The following NBN variants were observed in gnomAD, a reference collection of about 807,000 sequenced individuals.
NBN encodes Nijmegen breakage syndrome 1 (nibrin).
Under a neutral mutation model 90.8 loss-of-function variants are expected in NBN, and 88 were observed. The observed-to-expected ratio is 0.97, with a 90% CI of 0.82 to 1.16. The LOEUF (loss-of-function observed/expected upper bound fraction) is 1.16. Ranked by LOEUF, NBN falls within the 50% of genes most tolerant of loss-of-function variation. NBN has a pLI of 0.00. For synonymous variants in NBN, 328 were observed against 295.1 expected (o/e 1.11, Z -1.14); for missense variants, 894 against 869.6 (o/e 1.03, Z -0.35).
chr8:89,967,844 T>C (rs1265668107), intron 7 of NBN, among the ~76,000 whole-genome samples: 1 of 152,224 alleles, frequency 6.6e-6, no homozygotes, highest in African/African-American at 2.4e-5. Flanking sequence ...GTTCGGTCAA[T>C]AGCTGGCTTT....
At chr8:89,940,615 T>C (rs934417064) in intron 14 of NBN, among the ~76,000 whole-genome samples, 3 of 133,990 alleles carry the variant, frequency 2.2e-5, no homozygotes, top group African/African-American at 8.5e-5. Context: ...AGCTACTCCA[T>C]CTACTAGAGG....
intron 10 of NBN, 147 bp downstream of exon 10, chr8:89,955,136 G>GGT: frequency 1.4e-6 from 1 of 723,504 alleles, no homozygotes; most frequent in Non-Finnish European, 2.3e-6. Flanking sequence ...GGAGATCAGG[G>GGT]ACATTTCTGA....
chr8:89,965,583 G>C (rs1267956005), intron 7 of NBN, among the ~76,000 whole-genome samples: 1 of 151,518 alleles, frequency 6.6e-6, no homozygotes, highest in African/African-American at 2.4e-5. Flanking sequence ...CTGCCTCCCA[G>C]GTTCAGGCAA....
chr8:89,974,067 T>C (rs1166401628), intron 5 of NBN, among the ~76,000 whole-genome samples: 3 of 152,166 alleles, frequency 2.0e-5, no homozygotes, highest in South Asian at 2.1e-4. Context: ...ACCTACAGTA[T>C]ATCATTTTCA....
Position 89,955,572 on chromosome 8 carries a change from G to C in NBN, c.1125-17C>G, listed in dbSNP as rs772466522. 1 of 1,609,930 alleles carries C rather than the reference G, an allele frequency of 6.2e-7. No individual in the cohort carries two copies. The highest frequency in any genetic ancestry group is 1.1e-5 in the South Asian group (1 of 90,848). On this transcript the variant is annotated splice_polypyrimidine_tract_variant and intron_variant, in intron 9 of 15. Transcript: ENST00000265433. Reference sequence around the variant, plus strand: ...CTCAAATCCCTGTAGAAAAAGAAAAGAATGCAAGGTAAATAATCAAGTTTA... The same window carrying C: ...CTCAAATCCCTGTAGAAAAAGAAAACAATGCAAGGTAAATAATCAAGTTTA...
At chr8:89,952,163 C>T (rs1014800305) in intron 11 of NBN, among the ~76,000 whole-genome samples, 2 of 152,162 alleles carry the variant, frequency 1.3e-5, no homozygotes, top group African/African-American at 4.8e-5. Context: ...ACTTCCAGGA[C>T]ACTTTTATAG....
chr8:89,943,402 TAACA>T (rs1563508877), intron 13 of NBN, 36 bp from the exon 14 acceptor site: 8 of 1,580,102 alleles, frequency 5.1e-6, no homozygotes, highest in Non-Finnish European at 7.0e-6. Context: ...TAAATCATAT[TAACA>T]AACAAAAATG....
At chr8:89,950,747 AGTTT>A (rs1200824473) in intron 11 of NBN, among the ~76,000 whole-genome samples, 1 of 105,764 alleles carries the variant, frequency 9.5e-6, no homozygotes, top group Non-Finnish European at 1.7e-5. Flanking sequence ...ATTAAATGAA[AGTTT>A]CTTTCGGTCT....
At chr8:89,981,049 CATT>C (rs758071635) in intron 3 of NBN, 156 bp from the exon 4 acceptor site, 13 of 243,380 alleles carry the variant, frequency 5.3e-5, no homozygotes, top group Non-Finnish European at 7.9e-5. Flanking sequence ...AGTTCCTCAT[CATT>C]AAGCTTTGTA....
Position 89,946,211 on chromosome 8 carries a change from A to G in NBN, c.1999T>C (p.Ser667Pro), listed in dbSNP as rs587780091. 9.9e-5 allele frequency: 158 copies of G among 1,599,276 alleles called. No individual in the cohort carries two copies. Among genetic ancestry groups the G allele is most frequent in the Admixed American group, 5.0e-4 (30 of 59,964 alleles). The change falls in exon 13 of 16, where the codon TCT becomes CCT. Residue 667 changes from serine (S) to proline (P), a missense_variant. Physicochemically the swap from Ser to Pro is moderately conservative, Grantham distance 74. Coordinates refer to ENST00000265433, the MANE Select transcript of NBN (RefSeq NM_002485.5). ...TEFRSLVIKN[S>P]TSRNPSGIND... The stretch of plus-strand genomic sequence containing the variant: ...ATGCCAGATGGATTTCTGGAAGTAG[A>G]GTTTTTAATCACCAGTGATCTAAAT...
intron 8 of NBN, among the ~76,000 whole-genome samples, chr8:89,961,865 G>C (rs1321530740): frequency 6.6e-6 from 1 of 152,042 alleles, no homozygotes; most frequent in Admixed American, 6.6e-5. Flanking sequence ...CCATTACTAG[G>C]GCAATTACTA....
intron 5 of NBN, among the ~76,000 whole-genome samples, chr8:89,974,145 T>C (rs985969330): frequency 5.3e-5 from 8 of 152,120 alleles, no homozygotes; most frequent in African/African-American, 1.9e-4. Context: ...CTCTAGAAAC[T>C]GTATCCCAAG....
chr8:89,971,635 C>G (rs1247636038), intron 5 of NBN, among the ~76,000 whole-genome samples: 3 of 152,168 alleles, frequency 2.0e-5, no homozygotes, highest in Admixed American at 2.0e-4. Context: ...CCATAAAGAT[C>G]AAATTCTATT....
chr8:89,962,084 T>G (rs1275665565), intron 8 of NBN, among the ~76,000 whole-genome samples: 1 of 152,182 alleles, frequency 6.6e-6, no homozygotes, highest in Non-Finnish European at 1.5e-5. Context: ...TCCTCTCTAG[T>G]TCATTTCTTC....
Position 89,981,369 on chromosome 8 carries a change from T to C in NBN, c.320+6A>G, listed in dbSNP as rs757321173. On this transcript the variant is annotated splice_donor_region_variant and intron_variant, in intron 3 of 15. Coordinates refer to ENST00000265433, the MANE Select transcript of NBN (RefSeq NM_002485.5). ...CCATTTTAAAATCAATTTTAAAATG[T>C]CTTACCTGAATTTACTTCCAAACAC... 7 of 1,613,488 alleles carry C rather than the reference T, an allele frequency of 4.3e-6. No homozygotes were observed. Among genetic ancestry groups the C allele is most frequent in the South Asian group, 3.3e-5 (3 of 91,072 alleles).
intron 7 of NBN, 51 bp from the exon 8 acceptor site, chr8:89,964,558 T>C: frequency 1.3e-6 from 2 of 1,505,820 alleles, no homozygotes; most frequent in Non-Finnish European, 1.8e-6. Context: ...ACTAGCAACT[T>C]TTATTCAGAT....
chr8:89,970,574 A>G lies in NBN; in HGVS notation c.703-17T>C, dbSNP rs1057523604. On this transcript the variant is annotated splice_polypyrimidine_tract_variant and intron_variant, in intron 6 of 15. Transcript: ENST00000265433. ...TTTCTTATGCTAAAAATGGAAGGAA[A>G]CATTTTTTAAAGTAAAATGTAGTAA... 3 of 1,608,068 alleles carry G rather than the reference A, an allele frequency of 1.9e-6. No homozygotes were observed. The highest frequency in any genetic ancestry group is 2.6e-6 in the Non-Finnish European group (3 of 1,174,750).
At chr8:89,981,562 C>A (rs769789921) in intron 2 of NBN, 39 bp from the exon 3 acceptor site, 1 of 1,607,160 alleles carries the variant, frequency 6.2e-7, no homozygotes, top group Non-Finnish European at 8.5e-7. Context: ...TTTTACCACT[C>A]AGTACATTCA....
At chr8:89,981,768 C>G (rs1340167625) in intron 2 of NBN, 1 of 529,474 alleles carries the variant, frequency 1.9e-6, no homozygotes, top group Non-Finnish European at 3.3e-6. Flanking sequence ...TTGTGTAAGT[C>G]AGTGGGGATT....
Sources: gnomAD v4.1 joint callset for allele counts (sites outside exome capture counted in the v4.1 genomes callset) on GRCh38, gnomAD v4.1.1 for gene constraint, MANE v1.5 for transcripts, NCBI Gene and HGNC (gene_info 2026-07-23, HGNC 2026-07-21) for gene names.